DGKH: variants seen among roughly 807,000 people sequenced by gnomAD.
DGKH encodes diacylglycerol kinase eta, also known as DAG kinase eta.
Under a neutral mutation model 159.3 loss-of-function variants are expected in DGKH, and 90 were observed. The observed-to-expected ratio is 0.57, with a 90% CI of 0.48 to 0.67. The LOEUF (loss-of-function observed/expected upper bound fraction) is 0.67. Ranked by LOEUF, DGKH falls within the 30% of genes least tolerant of loss-of-function variation. The pLI is 0.00. For missense variants in DGKH, 1,181 were observed against 1,506.1 expected (o/e 0.78, Z 3.57); for synonymous variants, 536 against 553.8 (o/e 0.97, Z 0.45).
chr13:42,071,125 G>T, intron 1 of DGKH: 1 of 759,902 alleles, frequency 1.3e-6, no homozygotes, highest in Non-Finnish European at 2.1e-6. Context: ...TTTTCCTTTG[G>T]AATTGTTGAA....
At chr13:42,136,389 A>C (rs917606046) in intron 3 of DGKH, among the ~76,000 whole-genome samples, 2 of 152,248 alleles carry the variant, frequency 1.3e-5, no homozygotes, top group African/African-American at 2.4e-5. Flanking sequence ...TAATCTGACC[A>C]TGTTAGGTAA....
chr13:42,138,990 A>C (rs1466545473), intron 3 of DGKH, among the ~76,000 whole-genome samples: 1 of 152,186 alleles, frequency 6.6e-6, no homozygotes, highest in African/African-American at 2.4e-5. Flanking sequence ...TATCTTAGAA[A>C]TTAGGGGCTT....
intron 1 of DGKH, among the ~76,000 whole-genome samples, chr13:42,124,685 A>G (rs975312063): frequency 4.6e-5 from 7 of 152,192 alleles, no homozygotes; most frequent in African/African-American, 1.4e-4. Context: ...CCATCCCTGT[A>G]TATTAAGCTG....
At chr13:42,126,885 A>G (rs917963568) in intron 1 of DGKH, among the ~76,000 whole-genome samples, 2 of 152,206 alleles carry the variant, frequency 1.3e-5, no homozygotes, top group African/African-American at 4.8e-5. Context: ...TATGTTAGAA[A>G]TAACACCTGG....
At chr13:42,221,546 G>T in intron 29 of DGKH, 152 bp downstream of exon 29, 3 of 1,010,162 alleles carry the variant, frequency 3.0e-6, no homozygotes, top group Non-Finnish European at 4.2e-6. Context: ...TGAGTTTCTT[G>T]TATGCTTTTT....
intron 29 of DGKH, among the ~76,000 whole-genome samples, chr13:42,222,653 G>A (rs1958010450): frequency 6.6e-6 from 1 of 152,042 alleles, no homozygotes; most frequent in African/African-American, 2.4e-5. Context: ...GATATCCTTG[G>A]CAGATACCAA....
rs533603179 is a variant in DGKH, at chr13:42,236,773, G to A, written c.*7585G>A. 27 of 152,298 alleles carry A rather than the reference G, an allele frequency of 1.8e-4. No individual in the cohort carries two copies. The highest frequency in any genetic ancestry group is 5.8e-4 in the African/African-American group (24 of 41,528). The allele number at this position is 152,298 out of a possible 1,614,324, so 9.4% of individuals were successfully genotyped here. The stretch of plus-strand genomic sequence containing the variant: ...CAAAAATTAGCCAGGTGTGGTGGTG[G>A]GTGCCTGTAATCCCAGCTACTCAGG... On this transcript the variant is annotated 3_prime_UTR_variant, in exon 30 of 30. Coordinates refer to ENST00000337343, the MANE Select transcript of DGKH (RefSeq NM_178009.5).
chr13:42,199,212 A>G (rs1346994030), intron 18 of DGKH, among the ~76,000 whole-genome samples: 4 of 152,014 alleles, frequency 2.6e-5, no homozygotes, highest in Non-Finnish European at 5.9e-5. Context: ...AATGATAAAA[A>G]AGAGAGAGAG....
Position 42,168,621 on chromosome 13 carries a change from T to G in DGKH, c.1228-58T>G. ...CATACTTACCAGAGAGGTGCAGAAA[T>G]GCAGTAGTCCCTATTTCTCAACTTG... On this transcript the variant is annotated intron_variant, in intron 10 of 29. Transcript: ENST00000337343. 1.9e-6 allele frequency: 3 copies of G among 1,613,626 alleles called. 1 individual carries two copies. In the South Asian group the frequency reaches 3.3e-5, roughly 18 times the overall value.
intron 28 of DGKH, 91 bp from the exon 29 acceptor site, chr13:42,221,173 C>T: frequency 1.3e-6 from 2 of 1,512,546 alleles, no homozygotes; most frequent in Non-Finnish European, 1.8e-6. Context: ...ACTGCCGCTG[C>T]ACTCTGTTTT....
chr13:42,063,948 A>AATAT (rs57230220), intron 1 of DGKH, among the ~76,000 whole-genome samples: 1,619 of 128,822 alleles, frequency 0.013, 23 homozygotes, highest in African/African-American at 0.035. Flanking sequence ...TGAAAAAAAA[A>AATAT]ATATATATAT....
intron 1 of DGKH, among the ~76,000 whole-genome samples, chr13:42,113,665 G>A (rs967203411): frequency 2.6e-4 from 40 of 152,188 alleles, no homozygotes; most frequent in Admixed American, 1.3e-4. Context: ...ACAGGTGGCC[G>A]ATGAAGGAGG....
rs1957519047 is a variant in DGKH at position 42,207,127 on chromosome 13, T to TCTC, written c.2601+981_2601+982insCTC. Among the ~76,000 whole-genome samples the TCTC allele has an allele frequency of 8.6e-4, 50 of 58,090 alleles. 3 individuals are homozygous for TCTC. The highest frequency in any genetic ancestry group is 8.2e-3 in the East Asian group (15 of 1,836). 38.1% of individuals were successfully genotyped at this position (58,090 alleles called of 152,430 possible). A position where few individuals can be genotyped will look rare whatever the true frequency, so the allele number is the denominator to read the frequency against. ...TTTCTTTCTTTCTCTTTCTCTCTCCTTCCTTCCTTCCTTCCTTCCTTCCTT... is the reference window on the plus strand; with the variant it reads ...TTTCTTTCTTTCTCTTTCTCTCTCCTCTCTCCTTCCTTCCTTCCTTCCTTCCTT... On this transcript the variant is annotated intron_variant, in intron 21 of 29. Coordinates refer to ENST00000337343, the MANE Select transcript of DGKH (RefSeq NM_178009.5).
Position 42,128,936 on chromosome 13 carries a change from C to T in DGKH, c.304-616C>T, listed in dbSNP as rs182019766. 4.6e-5 allele frequency among the ~76,000 whole-genome samples: 7 copies of T among 152,278 alleles called. No homozygotes were observed. In the South Asian group the frequency reaches 6.2e-4, roughly 14 times the overall value. The stretch of plus-strand genomic sequence containing the variant: ...CGTTATCCCTGCCTTGCTGGAACAA[C>T]GCTGAATGAGTATGAACAATGAGTG... On this transcript the variant is annotated intron_variant, in intron 2 of 29. Coordinates refer to ENST00000337343, the MANE Select transcript of DGKH (RefSeq NM_178009.5).
At chr13:42,155,604 C>G (rs753332605) in intron 4 of DGKH, 63 bp from the exon 5 acceptor site, 1 of 1,608,194 alleles carries the variant, frequency 6.2e-7, no homozygotes, top group Non-Finnish European at 8.5e-7. Context: ...GCATTCCAAA[C>G]AGTTCAGCAT....
At chr13:42,118,597 C>T (rs1399210195) in intron 1 of DGKH, among the ~76,000 whole-genome samples, 1 of 152,232 alleles carries the variant, frequency 6.6e-6, no homozygotes, top group African/African-American at 2.4e-5. Flanking sequence ...GGAGTGGTGG[C>T]TTCTTCCTAC....
chr13:42,192,016 G>T (rs1193557532), intron 16 of DGKH, among the ~76,000 whole-genome samples: 1 of 152,136 alleles, frequency 6.6e-6, no homozygotes, highest in Non-Finnish European at 1.5e-5. Context: ...TGCTGCGAAG[G>T]TTGAAAAGTT....
chr13:42,057,053 A>G (rs369104285), intron 1 of DGKH, among the ~76,000 whole-genome samples: 18 of 152,338 alleles, frequency 1.2e-4, no homozygotes, highest in African/African-American at 4.3e-4. Context: ...TATTCATTTG[A>G]ATTAAACTTA....
downstream of DGKH, among the ~76,000 whole-genome samples, chr13:42,245,769 G>C (rs993619094): frequency 6.6e-5 from 10 of 152,010 alleles, no homozygotes; most frequent in African/African-American, 2.4e-4. Context: ...AATTTTAGTA[G>C]AGACAAGTTT....
Sources: gnomAD v4.1 joint callset for allele counts (sites outside exome capture counted in the v4.1 genomes callset) on GRCh38, gnomAD v4.1.1 for gene constraint, MANE v1.5 for transcripts, NCBI Gene and HGNC (gene_info 2026-07-23, HGNC 2026-07-21) for gene names.